Variants in SIPA1L2 observed in about 807,000 individuals in gnomAD.
The protein encoded by SIPA1L2 is signal-induced proliferation-associated 1-like protein 2.
Under a neutral mutation model 163.9 loss-of-function variants are expected in SIPA1L2, and 56 were observed. That is an observed-to-expected ratio of 0.34 (90% CI 0.28 to 0.43). The LOEUF is 0.43. SIPA1L2 is among the 20% of genes least tolerant of loss of function. The probability of loss-of-function intolerance (pLI) is 1.00; values close to 1 mark genes in which losing one functional copy is unlikely to be tolerated. For synonymous variants in SIPA1L2, 877 were observed against 865.7 expected (o/e 1.01, Z -0.23); for missense variants, 1,974 against 2,193.5 (o/e 0.90, Z 2.00).
At chr1:232,561,541 A>T (rs1421061701) in intron 2 of SIPA1L2, 4 of 152,196 alleles carry the variant, frequency 2.6e-5, no homozygotes, top group African/African-American at 9.7e-5. Context: ...GGAGCCACAC[A>T]CAATGCCCAC....
chr1:232,464,666 T>G (rs1380064447), intron 9 of SIPA1L2, among the ~76,000 whole-genome samples, 174 bp downstream of exon 9: 1 of 152,240 alleles, frequency 6.6e-6, no homozygotes, highest in African/African-American at 2.4e-5. Flanking sequence ...ACCATTCATG[T>G]ATTCAACAAC....
intron 1 of SIPA1L2, among the ~76,000 whole-genome samples, chr1:232,586,298 C>G (rs1335409690): frequency 6.6e-6 from 1 of 152,166 alleles, no homozygotes; most frequent in African/African-American, 2.4e-5. Flanking sequence ...CTAGGTTTCA[C>G]ACATCCACAT....
At chr1:232,509,598 C>T (rs1666887544) in intron 3 of SIPA1L2, among the ~76,000 whole-genome samples, 5 of 152,194 alleles carry the variant, frequency 3.3e-5, no homozygotes, top group Admixed American at 3.3e-4. Context: ...TGTTTGCAGA[C>T]AGAAGGGTCT....
intron 22 of SIPA1L2, 31 bp downstream of exon 22, chr1:232,402,361 C>T (rs752261785): frequency 6.3e-7 from 1 of 1,593,286 alleles, no homozygotes. Context: ...ATAAGAGAAA[C>T]AGTTCTGATT....
At chr1:232,493,069 G>A (rs904311492) in intron 4 of SIPA1L2, among the ~76,000 whole-genome samples, 8 of 152,122 alleles carry the variant, frequency 5.3e-5, no homozygotes, top group Non-Finnish European at 5.9e-5. Context: ...CTGTTCTCAT[G>A]ACAGTGAGTG....
chr1:232,601,156 G>T (rs562012858), intron 1 of SIPA1L2, among the ~76,000 whole-genome samples: 1 of 152,152 alleles, frequency 6.6e-6, no homozygotes, highest in Non-Finnish European at 1.5e-5. Context: ...CTGGGCCCTG[G>T]GACACAGGCA....
intron 1 of SIPA1L2, among the ~76,000 whole-genome samples, chr1:232,629,627 G>A (rs965923670): frequency 6.6e-6 from 1 of 152,210 alleles, no homozygotes; most frequent in African/African-American, 2.4e-5. Context: ...ATAACTTGGA[G>A]AGAACAGGCG....
intron 2 of SIPA1L2, among the ~76,000 whole-genome samples, chr1:232,565,834 T>G (rs1573093392): frequency 6.6e-6 from 1 of 152,186 alleles, no homozygotes; most frequent in African/African-American, 2.4e-5. Flanking sequence ...TGTGACTTCC[T>G]AGACCACAGA....
chr1:232,402,831 C>T (rs894600214), intron 21 of SIPA1L2: 8 of 181,112 alleles, frequency 4.4e-5, no homozygotes, highest in Non-Finnish European at 7.0e-5. Flanking sequence ...TTATGAAGCT[C>T]GTTACCAATG....
At chr1:232,602,282 T>A (rs1434224804) in intron 1 of SIPA1L2, among the ~76,000 whole-genome samples, 1 of 152,114 alleles carries the variant, frequency 6.6e-6, no homozygotes, top group Non-Finnish European at 1.5e-5. Flanking sequence ...GGACCTACAG[T>A]CCATGCTGAG....
At position 232,549,243 on chromosome 1, in the gene SIPA1L2, A is replaced by T. The variant is rs115538748; in HGVS notation, c.-270+24931T>A. 5.6e-3 allele frequency among the ~76,000 whole-genome samples: 845 copies of T among 151,950 alleles called. 12 individuals are homozygous for T. The highest frequency in any genetic ancestry group is 0.019 in the African/African-American group (789 of 41,418). On this transcript the variant is annotated intron_variant, in intron 2 of 22. Coordinates refer to ENST00000674635, the MANE Select transcript of SIPA1L2 (RefSeq NM_020808.5). ...CAGCCTGCCTGGACGACCTCCCAGC[A>T]CCCTCCTTTTAGCTGACACAGAACC...
At chr1:232,546,472 C>G (rs986312507) in intron 2 of SIPA1L2, among the ~76,000 whole-genome samples, 1 of 152,200 alleles carries the variant, frequency 6.6e-6, no homozygotes, top group Non-Finnish European at 1.5e-5. Context: ...GACTGCCCAG[C>G]CGGGCAACCA....
chr1:232,447,749 A>C (rs1462481349), intron 10 of SIPA1L2, among the ~76,000 whole-genome samples: 2 of 152,246 alleles, frequency 1.3e-5, no homozygotes, highest in Non-Finnish European at 2.9e-5. Flanking sequence ...CTTTCCAGCT[A>C]ATTAGCAAAC....
At chr1:232,499,446 C>T (rs976526743) in intron 3 of SIPA1L2, among the ~76,000 whole-genome samples, 3 of 152,300 alleles carry the variant, frequency 2.0e-5, no homozygotes, top group South Asian at 2.1e-4. Flanking sequence ...TACAACACTC[C>T]CTTAAGCAAA....
chr1:232,415,402 G>A (rs1335381123), intron 19 of SIPA1L2, 92 bp downstream of exon 19: 3 of 1,442,696 alleles, frequency 2.1e-6, no homozygotes, highest in Non-Finnish European at 9.2e-7. Flanking sequence ...CAGACGATGG[G>A]AGACAGACGG....
At chr1:232,578,564 A>G (rs1660203166) in intron 1 of SIPA1L2, among the ~76,000 whole-genome samples, 1 of 152,186 alleles carries the variant, frequency 6.6e-6, no homozygotes, top group East Asian at 1.9e-4. Flanking sequence ...TACGTTATGA[A>G]GTCCTCAACT....
chr1:232,459,116 A>G (rs1308243708), intron 10 of SIPA1L2, among the ~76,000 whole-genome samples: 1 of 152,266 alleles, frequency 6.6e-6, no homozygotes. Context: ...GATTTTGCAC[A>G]TTAACCATAG....
At chr1:232,561,131 TGATAAA>T (rs1008001807) in intron 2 of SIPA1L2, among the ~76,000 whole-genome samples, 51 of 152,334 alleles carry the variant, frequency 3.3e-4, no homozygotes, top group African/African-American at 1.2e-3. Context: ...CCACGTCAAC[TGATAAA>T]GATAATAGAA....
chr1:232,431,154 C>T (rs1662214698), intron 16 of SIPA1L2, among the ~76,000 whole-genome samples: 2 of 152,164 alleles, frequency 1.3e-5, no homozygotes, highest in South Asian at 4.1e-4. Context: ...AAAAATATTT[C>T]ACAGAACTTA....
Sources: gnomAD v4.1 joint callset for allele counts (sites outside exome capture counted in the v4.1 genomes callset) on GRCh38, gnomAD v4.1.1 for gene constraint, MANE v1.5 for transcripts, NCBI Gene and HGNC (gene_info 2026-07-23, HGNC 2026-07-21) for gene names.